PARP8: variants seen among roughly 807,000 people sequenced by gnomAD.
PARP8 encodes protein mono-ADP-ribosyltransferase PARP8.
PARP8 carries 51 observed loss-of-function variants against 124.1 expected under a neutral mutation model. That is an observed-to-expected ratio of 0.41 (90% CI 0.33 to 0.52). The LOEUF is 0.52. Among genes scored for constraint, PARP8 ranks in the 20% least tolerant of loss-of-function variants. PARP8 has a pLI of 0.21. For synonymous variants in PARP8, 391 were observed against 361.5 expected, an observed-to-expected ratio of 1.08 and a Z score of -0.93; for missense variants, 860 against 1,018.9, an observed-to-expected ratio of 0.84 and a Z score of 2.12.
rs80115294 is a variant in PARP8 at position 50,821,562 on chromosome 5, C to G, written c.1794+224C>G. On this transcript the variant is annotated intron_variant, in intron 16 of 25. Coordinates refer to ENST00000281631, the MANE Select transcript of PARP8 (RefSeq NM_024615.4). ...AAAGGGACAAGTTTTCCTTTCTTTT[C>G]TGCATTTTCACTTCAACCCTCCTTT... Among the ~76,000 whole-genome samples, 1,453 of 152,150 alleles carry G rather than the reference C, an allele frequency of 9.5e-3. 24 individuals are homozygous for G. The highest frequency in any genetic ancestry group is 0.032 in the African/African-American group (1,347 of 41,510).
intron 2 of PARP8, among the ~76,000 whole-genome samples, chr5:50,703,357 G>A (rs1322579779): frequency 1.3e-5 from 2 of 151,470 alleles, no homozygotes; most frequent in Non-Finnish European, 2.9e-5. Context: ...CATAATCACT[G>A]GGAAATGCTA....
In PARP8 at chr5:50,708,137, A is replaced by T. The variant is rs545354976; in HGVS notation, c.146+40012A>T. On this transcript the variant is annotated intron_variant, in intron 2 of 25. Coordinates refer to ENST00000281631, the MANE Select transcript of PARP8 (RefSeq NM_024615.4). ...ATTGTTTTTTCCCTAATAATTTAAG[A>T]ACATTAGTCATGGTTCTCAATAATT... 2.0e-5 allele frequency among the ~76,000 whole-genome samples: 3 copies of T among 152,168 alleles called. No individual in the cohort carries two copies. In the East Asian group the frequency reaches 5.8e-4, roughly 29 times the overall value.
At chr5:50,774,296 T>C (rs1304252701) in intron 7 of PARP8, among the ~76,000 whole-genome samples, 1 of 152,116 alleles carries the variant, frequency 6.6e-6, no homozygotes, top group Admixed American at 6.6e-5. Flanking sequence ...TTTCCTCCTT[T>C]TCTTTTCGAC....
At chr5:50,753,864 A>G (rs1431797725) in intron 3 of PARP8, among the ~76,000 whole-genome samples, 7 of 151,792 alleles carry the variant, frequency 4.6e-5, no homozygotes, top group Admixed American at 3.9e-4. Context: ...TTTAAGAAAT[A>G]CTTTTGCACA....
chr5:50,801,476 T>C (rs2149664862), intron 14 of PARP8, among the ~76,000 whole-genome samples: 1 of 152,336 alleles, frequency 6.6e-6, no homozygotes, highest in Non-Finnish European at 1.5e-5. Context: ...GTCTCAGATG[T>C]CAAATTTATG....
At chr5:50,769,042 G>A (rs1187434589) in intron 7 of PARP8, among the ~76,000 whole-genome samples, 1 of 152,128 alleles carries the variant, frequency 6.6e-6, no homozygotes, top group Admixed American at 6.5e-5. Flanking sequence ...CTGCTATGTT[G>A]AAGAAGAGGA....
chr5:50,777,832 G>T (rs1366468149), intron 7 of PARP8, among the ~76,000 whole-genome samples: 1 of 152,206 alleles, frequency 6.6e-6, no homozygotes, highest in South Asian at 2.1e-4. Flanking sequence ...AGCAACTCTT[G>T]ATTTTATATA....
chr5:50,696,302 G>T (rs1753019270), intron 2 of PARP8, among the ~76,000 whole-genome samples: 2 of 152,100 alleles, frequency 1.3e-5, no homozygotes, highest in South Asian at 4.1e-4. Context: ...AAAGCTAAAA[G>T]TTTTATGCTA....
intron 2 of PARP8, among the ~76,000 whole-genome samples, chr5:50,705,791 A>G (rs1266004779): frequency 7.9e-5 from 12 of 151,834 alleles, no homozygotes; most frequent in Admixed American, 2.0e-4. Context: ...CAAAAAAAAA[A>G]GGGGGGTTGA....
chr5:50,740,992 A>G (rs1202202431), intron 2 of PARP8, among the ~76,000 whole-genome samples: 2 of 152,088 alleles, frequency 1.3e-5, no homozygotes, highest in African/African-American at 2.4e-5. Flanking sequence ...ATTGAGCTAT[A>G]GAGTTATTCA....
At chr5:50,690,287 T>C (rs969824511) in intron 2 of PARP8, among the ~76,000 whole-genome samples, 4 of 152,204 alleles carry the variant, frequency 2.6e-5, no homozygotes, top group African/African-American at 9.6e-5. Flanking sequence ...CCATTTCTTT[T>C]TGGAAGAAGG....
intron 3 of PARP8, among the ~76,000 whole-genome samples, chr5:50,754,024 C>A (rs537828183): frequency 6.9e-6 from 1 of 145,472 alleles, no homozygotes; most frequent in Non-Finnish European, 1.5e-5. Flanking sequence ...CATTAAAAAT[C>A]TAACTGTCCC....
rs373860608 is a variant in PARP8 at position 50,824,998 on chromosome 5, T to G, written c.1928+23T>G. The G allele has an allele frequency of 6.4e-6, 10 of 1,574,054 alleles. No individual in the cohort carries two copies. The African/African-American group carries it at 1.2e-4, about 19-fold the overall frequency. On this transcript the variant is annotated intron_variant, in intron 18 of 25. Transcript: ENST00000281631. ...ATGGTATAAAATTCTAGTTTTCCTC[T>G]TAATGAAAACAGCATCCTTTTCTAC... is the stretch of plus-strand genomic sequence containing the variant.
chr5:50,757,760 T>A (rs1760123206), intron 3 of PARP8, among the ~76,000 whole-genome samples: 1 of 152,164 alleles, frequency 6.6e-6, no homozygotes, highest in African/African-American at 2.4e-5. Context: ...ATTTAGTTAT[T>A]CACTCCCCTG....
At chr5:50,720,050 C>G (rs1044448504) in intron 2 of PARP8, among the ~76,000 whole-genome samples, 1 of 152,038 alleles carries the variant, frequency 6.6e-6, no homozygotes, top group Non-Finnish European at 1.5e-5. Context: ...TGAGTCCCAA[C>G]AACCACAATA....
At position 50,687,786 on chromosome 5, in the gene PARP8, G is replaced by A. The variant is rs376565104; in HGVS notation, c.146+19661G>A. ...TCTCTTGAGAGTTACTCACTGTCAC[G>A]AAAGCAGCACCAGAAGGAACTGCCC... On this transcript the variant is annotated intron_variant, in intron 2 of 25. Transcript: ENST00000281631. Among the ~76,000 whole-genome samples, 3 of 152,102 alleles carry A rather than the reference G, an allele frequency of 2.0e-5. 1 individual carries two copies. The highest frequency in any genetic ancestry group is 1.3e-4 in the Admixed American group (2 of 15,258).
At chr5:50,759,289 C>T (rs1369553728) in intron 3 of PARP8, among the ~76,000 whole-genome samples, 1 of 152,080 alleles carries the variant, frequency 6.6e-6, no homozygotes, top group East Asian at 1.9e-4. Flanking sequence ...ACTAACCCTG[C>T]TTCCTATAGT....
At chr5:50,675,529 A>G (rs1019905869) in intron 2 of PARP8, among the ~76,000 whole-genome samples, 5 of 152,154 alleles carry the variant, frequency 3.3e-5, no homozygotes, top group African/African-American at 1.2e-4. Flanking sequence ...TTGGTCTCGA[A>G]CTCAGGTGAC....
rs542486657 is a variant in PARP8, at chr5:50,670,333, TAAG to T, written c.146+2211_146+2213del. Among the ~76,000 whole-genome samples the T allele has an allele frequency of 3.6e-3, 549 of 152,314 alleles. 4 individuals carry two copies. The highest frequency in any genetic ancestry group is 4.4e-3 in the Admixed American group (68 of 15,296). On this transcript the variant is annotated intron_variant, in intron 2 of 25. Coordinates refer to ENST00000281631, the MANE Select transcript of PARP8 (RefSeq NM_024615.4). The stretch of plus-strand genomic sequence containing the variant: ...TTTAACTACCATTTCATCTAACCAT[TAAG>T]AACATATTTCAAGAATAATTTTAAT...
Sources: allele counts gnomAD v4.1 joint callset (sites outside exome capture counted in the v4.1 genomes callset), GRCh38; gene constraint gnomAD v4.1.1; transcripts MANE v1.5; gene names NCBI Gene and HGNC (gene_info 2026-07-23, HGNC 2026-07-21).